Variants in KRT12 observed in about 807,000 individuals in gnomAD.
KRT12 encodes the protein keratin 12.
Under a neutral mutation model 50.2 loss-of-function variants are expected in KRT12, and 43 were observed. That is an observed-to-expected ratio of 0.86 (90% confidence interval 0.67 to 1.11). KRT12 has a LOEUF of 1.11. Ranked by LOEUF, KRT12 falls within the 50% of genes least tolerant of loss-of-function variation. The pLI is 0.00. For synonymous variants in KRT12, 257 were observed against 253.6 expected (o/e 1.01, Z -0.13); for missense variants, 588 against 625.6 (o/e 0.94, Z 0.64).
intron 2 of KRT12, among the ~76,000 whole-genome samples, chr17:40,865,785 G>A (rs1906995824): frequency 6.6e-6 from 1 of 152,030 alleles, no homozygotes; most frequent in Admixed American, 6.6e-5. Context: ...CCGAGATCGC[G>A]TCACTGCACT....
In KRT12 at chr17:40,863,897, G is replaced by A. The variant is rs1320654008; in HGVS notation, c.808-33C>T. ...CAGCATGTGAGAGAGAGGGGCACAG[G>A]GGTCCATTGTGACTTTCGTGGGCCC... On this transcript the variant is annotated intron_variant, in intron 3 of 7. Coordinates refer to ENST00000251643, the MANE Select transcript of KRT12 (RefSeq NM_000223.4). The surrounding 1 kb of genome is among the most constrained non-coding windows in gnomAD (Gnocchi z 4.2). The A allele has an allele frequency of 1.8e-5, 28 of 1,527,460 alleles. 1 individual carries two copies. In the South Asian group the frequency reaches 2.6e-4, roughly 14 times the overall value. 94.6% of individuals were successfully genotyped at this position (1,527,460 alleles called of 1,614,324 possible). A position where few individuals can be genotyped will look rare whatever the true frequency, so the allele number is the denominator to read the frequency against.
In KRT12 at chr17:40,866,253, GAC is replaced by G. The variant is rs1230609765; in HGVS notation, c.568-18_568-17del. ...CTGAAATGATCTGGCAAAAGAGAGG[GAC>G]ACACACAAGATTGAAGCCCTAAAAG... On this transcript the variant is annotated splice_polypyrimidine_tract_variant and intron_variant, in intron 1 of 7. Coordinates refer to ENST00000251643, the MANE Select transcript of KRT12 (RefSeq NM_000223.4). The G allele has an allele frequency of 1.9e-6, 3 of 1,605,012 alleles. No homozygotes were observed. The East Asian group carries it at 6.7e-5, about 36-fold the overall frequency.
Position 40,864,879 on chromosome 17 carries a change from G to C in KRT12, c.734C>G (p.Thr245Ser). 1.2e-6 allele frequency: 2 copies of C among 1,614,212 alleles called. No homozygotes were observed. The highest frequency in any genetic ancestry group is 1.7e-6 in the Non-Finnish European group (2 of 1,180,044). The stretch of plus-strand genomic sequence containing the variant: ...GATCTGCATCTCCAGGTCGGTCCTG[G>C]TCAGGGTCAGCTCGTCCAGCACCCG... ...LRRVLDELTLTRTDLEMQIES... is the reference protein window; with the variant it reads ...LRRVLDELTLSRTDLEMQIES... The change falls in exon 3 of 8, where the codon ACC becomes AGC. Residue 245 changes from threonine to serine, a missense_variant. Transcript: ENST00000251643.
Position 40,863,255 on chromosome 17 carries a change from T to G in KRT12, c.1184A>C (p.Glu395Ala). Residue 395 changes from glutamate to alanine, a missense_variant, in exon 6 of 8, where the codon GAG becomes GCG. By Grantham distance (107) the Glu-to-Ala change is moderately radical. Transcript: ENST00000251643. This position sits in a 1 kb window ranked among gnomAD's most constrained non-coding sequence, Gnocchi z 4.2. Reference sequence around the variant, plus strand: ...CGCGCGCACCTGGAGCAGCTGTGCCTCCAGGTTGCTGATGAGCTGCTGCAC... The same window carrying G: ...CGCGCGCACCTGGAGCAGCTGTGCCGCCAGGTTGCTGATGAGCTGCTGCAC... ...SQVQQLISNL[E>A]AQLLQVRADA... 1 of 1,613,956 alleles carries G rather than the reference T, an allele frequency of 6.2e-7. No individual in the cohort carries two copies. The highest frequency in any genetic ancestry group is 1.7e-4 in the Middle Eastern group (1 of 6,058).
In KRT12 at chr17:40,861,429, G is replaced by C. The variant is rs1016493708; in HGVS notation, c.*232C>G. The C allele has an allele frequency of 1.8e-6, 1 of 567,278 alleles. No individual in the cohort carries two copies. The highest frequency in any genetic ancestry group is 1.9e-5 in the African/African-American group (1 of 53,298). 35.1% of individuals were successfully genotyped at this position (567,278 alleles called of 1,614,324 possible). On this transcript the variant is annotated 3_prime_UTR_variant, in exon 8 of 8. Coordinates refer to ENST00000251643, the MANE Select transcript of KRT12 (RefSeq NM_000223.4). ...TAAAAGACTACTCCAGGTCCAGAAG[G>C]ATATAAGGTAATTTTGATTTGTTAC...
intron 6 of KRT12, 157 bp downstream of exon 6, chr17:40,862,966 G>C: frequency 1.4e-6 from 1 of 711,214 alleles, no homozygotes; most frequent in Non-Finnish European, 2.4e-6. Context: ...AAAACACTTT[G>C]CAAAGTGTAG....
rs749834898 is a variant in KRT12 at position 40,866,148 on chromosome 17, G to C, written c.650+7C>G. ...CACGCCCATGATCTTCAGTTTATTCGACTCACTTCATCCTGAAGTCCTCAG... is the reference window on the plus strand; with the variant it reads ...CACGCCCATGATCTTCAGTTTATTCCACTCACTTCATCCTGAAGTCCTCAG... On this transcript the variant is annotated splice_region_variant and intron_variant, in intron 2 of 7. Coordinates refer to ENST00000251643, the MANE Select transcript of KRT12 (RefSeq NM_000223.4). The C allele has an allele frequency of 2.5e-6, 4 of 1,608,844 alleles. No individual in the cohort carries two copies. The highest frequency in any genetic ancestry group is 3.4e-6 in the Non-Finnish European group (4 of 1,175,270).
rs141997440 is a variant in KRT12 at position 40,863,575 on chromosome 17, G to T, written c.1005C>A (p.Thr335=). The change falls in exon 5 of 8, where the codon ACC becomes ACA. Residue 335 remains threonine, a synonymous_variant. Coordinates refer to ENST00000251643, the MANE Select transcript of KRT12 (RefSeq NM_000223.4). The surrounding 1 kb of genome is among the most constrained non-coding windows in gnomAD (Gnocchi z 4.2). ...CGCTCTTGCTGGACTGAAGCTGCTC[G>T]GTGTTGGTGCTAATCTCCTTACGGA... ...GELRKEISTN[T]EQLQSSKSEV... is the part of the protein sequence containing the mutation. The T allele has an allele frequency of 1.1e-5, 18 of 1,614,066 alleles. No individual in the cohort carries two copies. The South Asian group carries it at 1.5e-4, about 14-fold the overall frequency.
chr17:40,866,881 C>T lies in KRT12; in HGVS notation c.306G>A (p.Gly102=). The T allele has an allele frequency of 6.2e-7, 1 of 1,614,094 alleles. No individual in the cohort carries two copies. Among genetic ancestry groups the T allele is most frequent in the Non-Finnish European group, 8.5e-7 (1 of 1,180,002 alleles). Reference sequence around the variant, plus strand: ...CTAGAGAGCCACCTCCTGGGCTGCCCCCAAATCCCATCCCCAGCCCTCCAA... The same window carrying T: ...CTAGAGAGCCACCTCCTGGGCTGCCTCCAAATCCCATCCCCAGCCCTCCAA... The part of the protein sequence containing the change: ...GSFGGLGMGF[G]GSPGGGSLGI... The change falls in exon 1 of 8, where the codon GGG becomes GGA. Residue 102 remains glycine, a synonymous_variant. Coordinates refer to ENST00000251643, the MANE Select transcript of KRT12 (RefSeq NM_000223.4).
In KRT12 at chr17:40,862,630, C is replaced by A; in HGVS notation, c.1322G>T (p.Gly441Val). Residue 441 changes from glycine to valine, a missense_variant, in exon 7 of 8, where the codon GGT becomes GTT. By Grantham distance (109) the Gly-to-Val change is moderately radical. Coordinates refer to ENST00000251643, the MANE Select transcript of KRT12 (RefSeq NM_000223.4). ...RLLDGEAQGD[G>V]LEESLFVTDS... ...TGTCACAAATAAACTTTCCTCCAAACCATCACTGTAAGAAAACAAAGGAGA... is the reference window on the plus strand; with the variant it reads ...TGTCACAAATAAACTTTCCTCCAAAACATCACTGTAAGAAAACAAAGGAGA... The A allele has an allele frequency of 6.2e-7, 1 of 1,611,656 alleles. No homozygotes were observed. Among genetic ancestry groups the A allele is most frequent in the South Asian group, 1.1e-5 (1 of 91,050 alleles).
rs2143258837 is a variant in KRT12, at chr17:40,863,585, C to CTA, written c.993_994dup (p.Ser332IlefsTer35). The CTA allele has an allele frequency of 6.2e-7, 1 of 1,614,242 alleles. No homozygotes were observed. Among genetic ancestry groups the CTA allele is most frequent in the Non-Finnish European group, 8.5e-7 (1 of 1,180,052 alleles). On this transcript the variant is annotated frameshift_variant, in exon 5 of 8. Transcript: ENST00000251643. LOFTEE classifies it high-confidence loss of function. This position sits in a 1 kb window ranked among gnomAD's most constrained non-coding sequence, Gnocchi z 4.2. ...GGACTGAAGCTGCTCGGTGTTGGTG[C>CTA]TAATCTCCTTACGGAGCTCCCCGCT...
Position 40,861,711 on chromosome 17 carries a change from T to C in KRT12, c.1435A>G (p.Asn479Asp), listed in dbSNP as rs1475421635. 6.2e-7 allele frequency: 1 copy of C among 1,614,018 alleles called. No individual in the cohort carries two copies. The highest frequency in any genetic ancestry group is 1.1e-5 in the South Asian group (1 of 91,078). The part of the protein sequence containing the change: ...KIKTVVQEMV[N>D]GEVVSSQVQE... ...ACTTGAGATGAGACCACCTCACCAT[T>C]CACCATCTCCTGCACAACTGTCTTG... Residue 479 changes from asparagine to aspartate, a missense_variant, in exon 8 of 8, where the codon AAT (asparagine) becomes GAT (aspartate). Coordinates refer to ENST00000251643, the MANE Select transcript of KRT12 (RefSeq NM_000223.4).
Position 40,862,603 on chromosome 17 carries a change from T to A in KRT12, c.1349A>T (p.Asp450Val). 1 of 1,613,532 alleles carries A rather than the reference T, an allele frequency of 6.2e-7. No homozygotes were observed. The highest frequency in any genetic ancestry group is 8.5e-7 in the Non-Finnish European group (1 of 1,179,494). Residue 450 changes from aspartate (D) to valine (V), a missense_variant, in exon 7 of 8, where the codon GAC becomes GTC. Physicochemically the swap from Asp to Val is radical, Grantham distance 152. Coordinates refer to ENST00000251643, the MANE Select transcript of KRT12 (RefSeq NM_000223.4). The part of the protein sequence containing the change: ...DGLEESLFVT[D>V]SKSQAQSTDS... The stretch of plus-strand genomic sequence containing the variant: ...AGTTGACTGTGCTTGTGATTTGGAG[T>A]CTGTCACAAATAAACTTTCCTCCAA...
At position 40,863,719 on chromosome 17, in the gene KRT12, G is replaced by A. The variant is rs1906897216; in HGVS notation, c.953C>T (p.Ala318Val). 3.1e-6 allele frequency: 5 copies of A among 1,613,790 alleles called. No individual in the cohort carries two copies. In the South Asian group the frequency reaches 4.4e-5, roughly 14 times the overall value. Residue 318 changes from alanine to valine, a missense_variant, in exon 4 of 8, where the codon GCC (alanine) becomes GTC (valine). Transcript: ENST00000251643. The surrounding 1 kb of genome is among the most constrained non-coding windows in gnomAD (Gnocchi z 4.2). ...IAEQNRKDAE[A>V]WFIEKSGELR... ...TTGTGTTACCTTTTCAATGAACCAG[G>A]CTTCAGCGTCCTTCCGATTCTGCTC... is the stretch of plus-strand genomic sequence containing the variant.
intron 7 of KRT12, 140 bp downstream of exon 7, chr17:40,862,425 A>C (rs1213415837): frequency 1.2e-5 from 8 of 692,612 alleles, no homozygotes; most frequent in South Asian, 9.3e-5. Context: ...GGAATGCATA[A>C]ATGTTTTTCC....
In KRT12 at chr17:40,862,631, C is replaced by A. The variant is rs773291513; in HGVS notation, c.1321G>T (p.Gly441Cys). The part of the protein sequence containing the change: ...RLLDGEAQGD[G>C]LEESLFVTDS... ...GTCACAAATAAACTTTCCTCCAAAC[C>A]ATCACTGTAAGAAAACAAAGGAGAT... is the stretch of plus-strand genomic sequence containing the variant. Residue 441 changes from glycine to cysteine, a missense_variant, in exon 7 of 8, where the codon GGT becomes TGT. Physicochemically the swap from Gly to Cys is radical, Grantham distance 159 (BLOSUM62 -3). Coordinates refer to ENST00000251643, the MANE Select transcript of KRT12 (RefSeq NM_000223.4). 3 of 1,611,326 alleles carry A rather than the reference C, an allele frequency of 1.9e-6. No individual in the cohort carries two copies. The highest frequency in any genetic ancestry group is 2.5e-6 in the Non-Finnish European group (3 of 1,177,532).
In KRT12 at chr17:40,863,555, T is replaced by C. The variant is rs1597841706; in HGVS notation, c.1025A>G (p.Lys342Arg). Residue 342 changes from lysine to arginine, a missense_variant, in exon 5 of 8, where the codon AAG becomes AGG. Coordinates refer to ENST00000251643, the MANE Select transcript of KRT12 (RefSeq NM_000223.4). The surrounding 1 kb of genome is among the most constrained non-coding windows in gnomAD (Gnocchi z 4.2). ...GCGACGCAGGTCGGTGACCTCGCTC[T>C]TGCTGGACTGAAGCTGCTCGGTGTT... Reference protein sequence around the residue: ...STNTEQLQSSKSEVTDLRRAF... With the variant: ...STNTEQLQSSRSEVTDLRRAF... 6.2e-7 allele frequency: 1 copy of C among 1,614,260 alleles called. No individual in the cohort carries two copies. The highest frequency in any genetic ancestry group is 2.2e-5 in the East Asian group (1 of 44,880).
At chr17:40,866,077 T>A in intron 2 of KRT12, 78 bp downstream of exon 2, 1 of 1,115,266 alleles carries the variant, frequency 9.0e-7, no homozygotes, top group Middle Eastern at 2.0e-4. Context: ...TTCAGAAGAT[T>A]TTATATCAAT....
In KRT12 at chr17:40,866,194, A is replaced by G. The variant is rs149066278; in HGVS notation, c.611T>C (p.Ile204Thr). 1.1e-5 allele frequency: 18 copies of G among 1,614,044 alleles called. No individual in the cohort carries two copies. Among genetic ancestry groups the G allele is most frequent in the South Asian group, 1.1e-4 (10 of 91,090 alleles). The stretch of plus-strand genomic sequence containing the variant: ...CTCAGCAGCTAGTCTCGCATTGTCA[A>G]TCTGCAAGAGGAGCTGGGCATTTCC... ...SIGNAQLLLQ[I>T]DNARLAAEDF... Residue 204 changes from isoleucine to threonine, a missense_variant, in exon 2 of 8, where the codon ATT becomes ACT. Ile to Thr is a moderately conservative substitution (Grantham distance 89). Coordinates refer to ENST00000251643, the MANE Select transcript of KRT12 (RefSeq NM_000223.4).
Sources: gnomAD v4.1 joint callset for allele counts (sites outside exome capture counted in the v4.1 genomes callset) on GRCh38, gnomAD v4.1.1 for gene constraint, Gnocchi (gnomAD v3.1) non-coding constraint, MANE v1.5 for transcripts, NCBI Gene and HGNC (gene_info 2026-07-23, HGNC 2026-07-21) for gene names.